ARHGAP40: variants seen among roughly 807,000 people sequenced by gnomAD.
ARHGAP40 encodes Rho GTPase activating protein 40.
ARHGAP40 carries 43 observed loss-of-function variants against 73.5 expected under a neutral mutation model. That is an observed-to-expected ratio of 0.58 (90% CI 0.46 to 0.75). The LOEUF is 0.75. ARHGAP40 is among the 30% of genes least tolerant of loss of function. ARHGAP40 has a pLI of 0.00. For missense variants in ARHGAP40, 734 were observed against 861.8 expected (o/e 0.85, Z 1.86); for synonymous variants, 300 against 352.8 (o/e 0.85, Z 1.68).
chr20:38,633,240 C>A (rs1049533453), intron 5 of ARHGAP40, among the ~76,000 whole-genome samples: 4 of 152,056 alleles, frequency 2.6e-5, no homozygotes, highest in Non-Finnish European at 4.4e-5. Flanking sequence ...TGTGATTGTG[C>A]CCCTGCACTG....
intron 5 of ARHGAP40, among the ~76,000 whole-genome samples, chr20:38,631,210 G>T (rs147350672): frequency 0.011 from 1,607 of 151,740 alleles, 21 homozygotes; most frequent in African/African-American, 0.036. Flanking sequence ...CACTTGGGAG[G>T]CTGAGGCAGG....
At chr20:38,628,827 T>A (rs2088918988) in intron 3 of ARHGAP40, 100 bp from the exon 4 acceptor site, 1 of 830,296 alleles carries the variant, frequency 1.2e-6, no homozygotes. Context: ...AGTGGCTCCA[T>A]CTGTGAAAAG....
intron 9 of ARHGAP40, among the ~76,000 whole-genome samples, chr20:38,639,912 G>A (rs182529271): frequency 6.6e-6 from 1 of 152,302 alleles, no homozygotes; most frequent in East Asian, 1.9e-4. Flanking sequence ...AAAAAATACA[G>A]CAGCTCTCCT....
intron 3 of ARHGAP40, 32 bp from the exon 4 acceptor site, chr20:38,628,895 G>A: frequency 7.8e-7 from 1 of 1,289,744 alleles, no homozygotes. Context: ...CTTCCCACAT[G>A]AGTAATTGGG....
intron 10 of ARHGAP40, among the ~76,000 whole-genome samples, chr20:38,642,724 C>T (rs2089026891): frequency 2.4e-5 from 1 of 41,524 alleles, no homozygotes; most frequent in Non-Finnish European, 6.1e-5. Context: ...ATCCATCCAT[C>T]CATCCTTCCA....
intron 2 of ARHGAP40, 30 bp downstream of exon 2, chr20:38,623,588 G>T: frequency 7.9e-7 from 1 of 1,259,830 alleles, no homozygotes; most frequent in Non-Finnish European, 1.0e-6. Context: ...GCCTATAGGG[G>T]TGGTGGGAGG....
intron 1 of ARHGAP40, among the ~76,000 whole-genome samples, chr20:38,613,254 C>T (rs752714353): frequency 2.6e-5 from 4 of 152,044 alleles, no homozygotes; most frequent in African/African-American, 7.2e-5. Context: ...GAATATTTGT[C>T]GTCTCAGAGG....
At chr20:38,638,212 G>A (rs966990688) in intron 7 of ARHGAP40, among the ~76,000 whole-genome samples, 2 of 151,886 alleles carry the variant, frequency 1.3e-5, no homozygotes, top group African/African-American at 4.8e-5. Context: ...CTACTTGGGA[G>A]GCTGAGGCAG....
rs559947199 is a variant in ARHGAP40 at position 38,602,016 on chromosome 20, C to T, written c.74C>T (p.Pro25Leu). Residue 25 changes from proline (P) to leucine (L), a missense_variant, in exon 1 of 15, where the codon CCT becomes CTT. By Grantham distance (98) the Pro-to-Leu change is moderately conservative (BLOSUM62 -3). Transcript: ENST00000373345. ...CCAGGGCCCCTAGCCTCACCGTGTC[C>T]TCGGATCCCGCGGGCCCGCATTGCC... 236 of 1,287,620 alleles carry T rather than the reference C, an allele frequency of 1.8e-4. 1 individual carries two copies. In the South Asian group the frequency reaches 2.8e-3, roughly 15 times the overall value. 79.8% of individuals were successfully genotyped at this position (1,287,620 alleles called of 1,614,324 possible). A position where few individuals can be genotyped will look rare whatever the true frequency, so the allele number is the denominator to read the frequency against.
At chr20:38,602,042 A>C (rs901035483) in exon 1 of ARHGAP40, 12 of 1,287,256 alleles carry the variant, frequency 9.3e-6, no homozygotes, top group Middle Eastern at 6.4e-4. Context: ...CCGCATTGCC[A>C]GGCGCTGCGC....
intron 1 of ARHGAP40, among the ~76,000 whole-genome samples, chr20:38,619,910 C>T (rs1365869053): frequency 6.6e-6 from 1 of 151,912 alleles, no homozygotes; most frequent in Non-Finnish European, 1.5e-5. Context: ...CTCGTCTCTA[C>T]TGAAATGAAA....
intron 1 of ARHGAP40, among the ~76,000 whole-genome samples, chr20:38,616,642 A>G (rs2088841151): frequency 1.3e-5 from 2 of 152,256 alleles, no homozygotes; most frequent in South Asian, 4.1e-4. Context: ...TGCAGAAGTC[A>G]CTTTATCGCT....
intron 5 of ARHGAP40, 123 bp from the exon 6 acceptor site, chr20:38,634,497 T>A: frequency 1.3e-6 from 1 of 794,162 alleles, no homozygotes; most frequent in Non-Finnish European, 1.9e-6. Context: ...TCCTCTTGAG[T>A]GCTTGCTCTT....
At chr20:38,624,780 C>T (rs769153221) in intron 2 of ARHGAP40, among the ~76,000 whole-genome samples, 3 of 152,208 alleles carry the variant, frequency 2.0e-5, no homozygotes, top group Non-Finnish European at 4.4e-5. Context: ...CACAAAATAG[C>T]ACCCCTGCCC....
At chr20:38,612,571 G>T (rs2088810261) in intron 1 of ARHGAP40, among the ~76,000 whole-genome samples, 1 of 152,150 alleles carries the variant, frequency 6.6e-6, no homozygotes, top group Non-Finnish European at 1.5e-5. Context: ...CCGGGAGGCT[G>T]AGGCAGAAGA....
intron 3 of ARHGAP40, among the ~76,000 whole-genome samples, chr20:38,628,444 A>G (rs2088916645): frequency 6.6e-6 from 1 of 152,006 alleles, no homozygotes; most frequent in African/African-American, 2.4e-5. Flanking sequence ...AGCTGGGACT[A>G]CAGGCGCCCG....
chr20:38,642,190 C>G (rs190487977), intron 10 of ARHGAP40, among the ~76,000 whole-genome samples: 1 of 152,338 alleles, frequency 6.6e-6, no homozygotes, highest in East Asian at 1.9e-4. Flanking sequence ...GAGTATGCAG[C>G]ACTCTCCAAA....
intron 1 of ARHGAP40, among the ~76,000 whole-genome samples, chr20:38,602,570 C>G (rs951701900): frequency 6.6e-6 from 1 of 152,162 alleles, no homozygotes; most frequent in South Asian, 2.1e-4. Context: ...TCATTTCCCC[C>G]ACTCTGATTA....
intron 7 of ARHGAP40, 123 bp from the exon 8 acceptor site, chr20:38,638,638 T>C: frequency 1.7e-6 from 1 of 600,230 alleles, no homozygotes; most frequent in Non-Finnish European, 2.7e-6. Context: ...ACTAATATTA[T>C]TCCGAAGGAA....
Sources: gnomAD v4.1 joint callset for allele counts (sites outside exome capture counted in the v4.1 genomes callset) on GRCh38, gnomAD v4.1.1 for gene constraint, MANE v1.5 for transcripts, NCBI Gene and HGNC (gene_info 2026-07-23, HGNC 2026-07-21) for gene names.